TASP1: variants seen among roughly 807,000 people sequenced by gnomAD.
The protein encoded by TASP1 is taspase 1, also known as threonine aspartase 1.
In TASP1, 16 loss-of-function variants were observed where a neutral mutation model predicts 56.6. The observed-to-expected ratio is 0.28, with a 90% CI of 0.19 to 0.43. The LOEUF (loss-of-function observed/expected upper bound fraction) is 0.43. TASP1 is among the 20% of genes least tolerant of loss of function. The pLI, the probability that TASP1 is intolerant of heterozygous loss-of-function variation, is 1.00. For missense variants in TASP1, 393 were observed against 511.6 expected, an observed-to-expected ratio of 0.77 and a Z score of 2.24; for synonymous variants, 179 against 184.2, an observed-to-expected ratio of 0.97 and a Z score of 0.23.
At chr20:13,215,796 G>A in the TASP1 span, among the ~76,000 whole-genome samples, 1 of 152,194 alleles carries the variant, frequency 6.6e-6, no homozygotes, top group Non-Finnish European at 1.5e-5. Flanking sequence ...GTCTTCATAG[G>A]TTTTGTGTGT....
At chr20:13,271,291 G>A in the TASP1 span, among the ~76,000 whole-genome samples, 36 of 152,312 alleles carry the variant, frequency 2.4e-4, no homozygotes, top group Admixed American at 1.0e-3. Context: ...AAAACAATAA[G>A]AGGAAGGAAG....
the TASP1 span, among the ~76,000 whole-genome samples, chr20:13,269,765 C>T: frequency 7.2e-5 from 11 of 152,244 alleles, no homozygotes; most frequent in East Asian, 1.9e-3. Flanking sequence ...TGGCAGTCAC[C>T]GTTCTTTGAT....
At chr20:13,547,798 G>GA (rs996155048) in intron 8 of TASP1, among the ~76,000 whole-genome samples, 7 of 147,552 alleles carry the variant, frequency 4.7e-5, no homozygotes, top group Non-Finnish European at 9.0e-5. Context: ...AAAGAAACAA[G>GA]AAAAAAAAAA....
chr20:13,482,452 G>A (rs1188052043), intron 11 of TASP1, among the ~76,000 whole-genome samples: 1 of 152,106 alleles, frequency 6.6e-6, no homozygotes. Context: ...AATGTCATTT[G>A]TATTTTGATA....
intron 13 of TASP1, among the ~76,000 whole-genome samples, chr20:13,404,373 C>T (rs2145139): frequency 0.1 from 15,854 of 152,106 alleles, 1,651 homozygotes; most frequent in African/African-American, 0.27. Context: ...GAGGCCGAGG[C>T]GGGAGTATTG....
the TASP1 span, among the ~76,000 whole-genome samples, chr20:13,222,679 G>A: frequency 6.6e-6 from 1 of 152,192 alleles, no homozygotes; most frequent in Non-Finnish European, 1.5e-5. Context: ...TTCAGGGCAA[G>A]GAGAGGGCGT....
chr20:13,180,688 C>G, the TASP1 span, among the ~76,000 whole-genome samples: 2 of 152,126 alleles, frequency 1.3e-5, no homozygotes, highest in Admixed American at 6.6e-5. Flanking sequence ...ATCGCCAGGC[C>G]GTGAGAAACT....
the TASP1 span, among the ~76,000 whole-genome samples, chr20:13,347,596 C>T: frequency 2.6e-5 from 4 of 152,166 alleles, no homozygotes; most frequent in African/African-American, 7.2e-5. Context: ...CCCAGCACTT[C>T]GGGAGGCCGA....
the TASP1 span, among the ~76,000 whole-genome samples, chr20:13,108,215 C>G: frequency 6.6e-6 from 1 of 152,122 alleles, no homozygotes; most frequent in East Asian, 1.9e-4. Context: ...AGGAAGTCAC[C>G]TTTATTTAAA....
rs79547403 is a variant in TASP1 at position 13,535,905 on chromosome 20, A to T, written c.676-1764T>A. Among the ~76,000 whole-genome samples, 730 of 152,356 alleles carry T rather than the reference A, an allele frequency of 4.8e-3. 4 individuals are homozygous for T. The highest frequency in any genetic ancestry group is 0.016 in the African/African-American group (656 of 41,590). On this transcript the variant is annotated intron_variant, in intron 8 of 13. Coordinates refer to ENST00000337743, the MANE Select transcript of TASP1 (RefSeq NM_017714.3). ...TGCTCATTCAGGTTGGACAAAGCAA[A>T]GTCTGTCTTCTCTGGTAGGTAAGAT...
At chr20:13,324,848 C>T in the TASP1 span, among the ~76,000 whole-genome samples, 5 of 152,284 alleles carry the variant, frequency 3.3e-5, no homozygotes, top group African/African-American at 9.6e-5. Context: ...GTTTAAGTTT[C>T]TTATTTTCTG....
At chr20:13,310,999 A>G in the TASP1 span, among the ~76,000 whole-genome samples, 5 of 152,090 alleles carry the variant, frequency 3.3e-5, no homozygotes, top group Non-Finnish European at 5.9e-5. Context: ...TTTGAGACCA[A>G]CCTGGCCATC....
the TASP1 span, among the ~76,000 whole-genome samples, chr20:13,191,553 T>C: frequency 2.6e-5 from 4 of 152,048 alleles, no homozygotes; most frequent in Non-Finnish European, 4.4e-5. Flanking sequence ...TACATAGAAG[T>C]AGAGAGTAGA....
At chr20:13,460,536 AATTAAC>A (rs1173771262) in intron 11 of TASP1, among the ~76,000 whole-genome samples, 1 of 152,186 alleles carries the variant, frequency 6.6e-6, no homozygotes, top group East Asian at 1.9e-4. Context: ...GCAATTGCCT[AATTAAC>A]ATTTCCACTT....
intron 10 of TASP1, among the ~76,000 whole-genome samples, chr20:13,488,577 A>G (rs1211245270): frequency 2.6e-5 from 4 of 152,152 alleles, no homozygotes; most frequent in African/African-American, 9.7e-5. Context: ...ACTCTGCCCA[A>G]CACTACTCCT....
chr20:13,270,386 A>T, the TASP1 span: 1 of 1,164,838 alleles, frequency 8.6e-7, no homozygotes, highest in Non-Finnish European at 1.2e-6. Context: ...GGAATGCCCT[A>T]CTGGCTTAAT....
chr20:13,164,610 G>A, the TASP1 span: 6 of 648,102 alleles, frequency 9.3e-6, no homozygotes, highest in Admixed American at 2.8e-5. Flanking sequence ...CTAATGGTAC[G>A]GATCTTGCTT....
intron 11 of TASP1, among the ~76,000 whole-genome samples, chr20:13,457,981 A>G (rs2043909314): frequency 6.6e-6 from 1 of 152,198 alleles, no homozygotes; most frequent in Non-Finnish European, 1.5e-5. Context: ...AAAAATCTAA[A>G]TTTCAAGAAA....
the TASP1 span, among the ~76,000 whole-genome samples, chr20:13,108,413 A>G: frequency 6.6e-6 from 1 of 152,210 alleles, no homozygotes; most frequent in Non-Finnish European, 1.5e-5. Context: ...ATCTGAGCAC[A>G]GACTGGAGAC....
Sources: gnomAD v4.1 joint callset for allele counts (sites outside exome capture counted in the v4.1 genomes callset) on GRCh38, gnomAD v4.1.1 for gene constraint, MANE v1.5 for transcripts, NCBI Gene and HGNC (gene_info 2026-07-23, HGNC 2026-07-21) for gene names.